Variants in DOCK9 observed in about 807,000 individuals in gnomAD.
The protein encoded by DOCK9 is dedicator of cytokinesis 9.
In DOCK9, 89 loss-of-function variants were observed where a neutral mutation model predicts 263.3. The observed-to-expected ratio is 0.34, with a 90% CI of 0.28 to 0.40. DOCK9 has a LOEUF of 0.40. DOCK9 is among the 10% of genes least tolerant of loss of function. DOCK9 has a pLI of 1.00. For missense variants in DOCK9, 2,140 were observed against 2,603.4 expected, an observed-to-expected ratio of 0.82 and a Z score of 3.87; for synonymous variants, 976 against 973.1, an observed-to-expected ratio of 1.00 and a Z score of -0.06.
intron 1 of DOCK9, among the ~76,000 whole-genome samples, chr13:98,958,864 T>C (rs535288457): frequency 1.3e-5 from 2 of 152,372 alleles, no homozygotes; most frequent in South Asian, 4.1e-4. Context: ...CTTAAAATGT[T>C]TGATAATAAA....
At chr13:98,970,298 C>T (rs2059608142) in intron 1 of DOCK9, among the ~76,000 whole-genome samples, 2 of 152,312 alleles carry the variant, frequency 1.3e-5, no homozygotes, top group African/African-American at 4.8e-5. Context: ...ACGCCCCACC[C>T]GTCTCTGTTT....
At chr13:99,032,300 GTC>G (rs1461057656) in intron 1 of DOCK9, among the ~76,000 whole-genome samples, 1 of 151,864 alleles carries the variant, frequency 6.6e-6, no homozygotes, top group Non-Finnish European at 1.5e-5. Flanking sequence ...GTGAAACCCT[GTC>G]TCTACTAAAA....
intron 38 of DOCK9, among the ~76,000 whole-genome samples, chr13:98,843,083 A>C (rs2093277653): frequency 6.6e-6 from 1 of 152,196 alleles, no homozygotes; most frequent in Non-Finnish European, 1.5e-5. Context: ...CTGCTGGTCA[A>C]GCTGAGTTCT....
At chr13:99,051,990 G>T (rs1348163133) in intron 1 of DOCK9, among the ~76,000 whole-genome samples, 2 of 151,594 alleles carry the variant, frequency 1.3e-5, no homozygotes, top group African/African-American at 4.8e-5. Flanking sequence ...TGAAAATAAA[G>T]AAGACATGCA....
At chr13:98,849,937 T>A (rs909325522) in intron 36 of DOCK9, 110 bp downstream of exon 36, 3 of 754,600 alleles carry the variant, frequency 4.0e-6, no homozygotes, top group Non-Finnish European at 4.4e-6. Context: ...AAGGAGTAAG[T>A]GAGGATGTGA....
Position 98,902,976 on chromosome 13 carries a change from G to C in DOCK9, c.1172C>G (p.Thr391Arg), listed in dbSNP as rs758255235. Residue 391 changes from threonine (T) to arginine (R), a missense_variant, in exon 11 of 53, where the codon ACA becomes AGA. This residue lies in a region of DOCK9 where 1,521 missense variants were observed against 1,741.7 expected (regional missense o/e 0.87). Coordinates refer to ENST00000682017, the MANE Select transcript of DOCK9 (RefSeq NM_001366683.2). The stretch of plus-strand genomic sequence containing the variant: ...ATTTTTAAAATGAAAAATTACATTT[G>C]TAGTGGGTCCTTCTTCATTTTCGGC... Reference protein sequence around the residue: ...CVAENEEGPTTNVEPFFVTLS... With the variant: ...CVAENEEGPTRNVEPFFVTLS... 27 of 1,507,044 alleles carry C rather than the reference G, an allele frequency of 1.8e-5. No individual in the cohort carries two copies. The highest frequency in any genetic ancestry group is 2.2e-5 in the Non-Finnish European group (25 of 1,133,488). The allele number at this position is 1,507,044 out of a possible 1,614,324, so 93.4% of individuals were successfully genotyped here.
intron 1 of DOCK9, among the ~76,000 whole-genome samples, chr13:98,996,465 T>G (rs1881059511): frequency 6.6e-6 from 1 of 152,236 alleles, no homozygotes; most frequent in East Asian, 1.9e-4. Flanking sequence ...AAATGTATAT[T>G]TCACATTCCA....
chr13:98,804,324 A>G lies in DOCK9; in HGVS notation c.5725+675T>C, dbSNP rs534172249. On this transcript the variant is annotated intron_variant, in intron 49 of 52. Coordinates refer to ENST00000682017, the MANE Select transcript of DOCK9 (RefSeq NM_001366683.2). ...GGGATGGGTCAAGCTCTCCCACAGAAGGTAAAAATCACCCCAGGATGACTA... is the reference window on the plus strand; with the variant it reads ...GGGATGGGTCAAGCTCTCCCACAGAGGGTAAAAATCACCCCAGGATGACTA... Among the ~76,000 whole-genome samples the G allele has an allele frequency of 4.5e-4, 68 of 152,330 alleles. No individual in the cohort carries two copies. In the Middle Eastern group the frequency reaches 0.01, roughly 23 times the overall value.
At chr13:98,845,400 T>C (rs760324408) in intron 38 of DOCK9, 3 of 1,343,298 alleles carry the variant, frequency 2.2e-6, no homozygotes, top group Non-Finnish European at 3.0e-6. Context: ...GTCACTTTGT[T>C]ATTGGATGCT....
Position 99,016,654 on chromosome 13 carries a change from T to C in DOCK9, c.130-61103A>G, listed in dbSNP as rs151097556. 6.6e-4 allele frequency among the ~76,000 whole-genome samples: 101 copies of C among 152,348 alleles called. 2 individuals are homozygous for C. In the East Asian group the frequency reaches 0.019, roughly 28 times the overall value. On this transcript the variant is annotated intron_variant, in intron 1 of 32. Coordinates refer to the DOCK9 transcript ENST00000427887. Reference sequence around the variant, plus strand: ...CTCTGGGAATGGCTAACAGGGAAGCTTGTCAATGATATGATACCAAGTTGA... The same window carrying C: ...CTCTGGGAATGGCTAACAGGGAAGCCTGTCAATGATATGATACCAAGTTGA...
chr13:98,868,225 C>T lies in DOCK9; in HGVS notation c.3090+6G>A, dbSNP rs367694355. ...AACTGATATCCTCTTCCCTGGAGGT[C>T]CCCACCTTGATGAAGACAGCAAGGC... On this transcript the variant is annotated splice_donor_region_variant and intron_variant, in intron 28 of 52. Coordinates refer to ENST00000682017, the MANE Select transcript of DOCK9 (RefSeq NM_001366683.2). The T allele has an allele frequency of 2.0e-5, 33 of 1,613,434 alleles. No homozygotes were observed. Among genetic ancestry groups the T allele is most frequent in the Non-Finnish European group, 2.8e-5 (33 of 1,179,710 alleles).
At chr13:98,915,144 C>T (rs1197393143) in intron 8 of DOCK9, among the ~76,000 whole-genome samples, 185 bp downstream of exon 8, 1 of 149,862 alleles carries the variant, frequency 6.7e-6, no homozygotes, top group Non-Finnish European at 1.5e-5. Flanking sequence ...TTTCCATATA[C>T]GAAATGTCAG....
chr13:98,936,514 G>A (rs2054854862), intron 2 of DOCK9, among the ~76,000 whole-genome samples: 1 of 151,912 alleles, frequency 6.6e-6, no homozygotes, highest in South Asian at 2.1e-4. Context: ...AAGCTACTCA[G>A]GAGGCTGAAA....
intron 49 of DOCK9, among the ~76,000 whole-genome samples, chr13:98,802,435 A>G (rs1857620264): frequency 6.6e-6 from 1 of 152,190 alleles, no homozygotes; most frequent in African/African-American, 2.4e-5. Context: ...AGCCCTTTAG[A>G]AAGGAGGACG....
chr13:99,058,772 C>A (rs910127027), intron 1 of DOCK9, among the ~76,000 whole-genome samples: 5 of 152,136 alleles, frequency 3.3e-5, no homozygotes, highest in Non-Finnish European at 7.4e-5. Flanking sequence ...GACTCCACCC[C>A]CTAAAGCACT....
intron 1 of DOCK9, among the ~76,000 whole-genome samples, chr13:98,975,604 T>C (rs578114760): frequency 7.2e-5 from 11 of 152,282 alleles, no homozygotes; most frequent in Admixed American, 7.2e-4. Context: ...AAGGACACTG[T>C]CTTTCCTACT....
At chr13:98,800,917 A>G (rs1420238126) in intron 49 of DOCK9, among the ~76,000 whole-genome samples, 1 of 152,252 alleles carries the variant, frequency 6.6e-6, no homozygotes, top group African/African-American at 2.4e-5. Context: ...ATTTTTGTCC[A>G]TAGAATAACT....
At chr13:99,035,775 CAG>C (rs1206235364) in intron 1 of DOCK9, among the ~76,000 whole-genome samples, 3 of 152,314 alleles carry the variant, frequency 2.0e-5, no homozygotes, top group African/African-American at 7.2e-5. Flanking sequence ...GGCTAGGCCA[CAG>C]TACCCAGATA....
rs568734701 is a variant in DOCK9 at position 99,013,635 on chromosome 13, A to G, written c.130-58084T>C. ...GGTCTGAGCAAAGGCCACGCAATGA[A>G]TGGTGCAATCCCTGGTGGAGATGTC... is the stretch of plus-strand genomic sequence containing the variant. On this transcript the variant is annotated intron_variant, in intron 1 of 32. Coordinates refer to the DOCK9 transcript ENST00000427887. Among the ~76,000 whole-genome samples the G allele has an allele frequency of 3.9e-5, 6 of 152,264 alleles. No individual in the cohort carries two copies. The South Asian group carries it at 8.3e-4, about 21-fold the overall frequency.
Sources: gnomAD v4.1 joint callset for allele counts (sites outside exome capture counted in the v4.1 genomes callset) on GRCh38, gnomAD v4.1.1 for gene constraint, gnomAD v4.1.1 regional missense constraint, MANE v1.5 for transcripts, NCBI Gene and HGNC (gene_info 2026-07-23, HGNC 2026-07-21) for gene names.